TBC1D15: variants seen among roughly 807,000 people sequenced by gnomAD.
TBC1D15 encodes TBC1 domain family member 15.
A neutral mutation model predicts 95.4 loss-of-function variants in TBC1D15; 39 were observed. The observed-to-expected ratio is 0.41, with a 90% CI of 0.32 to 0.53. TBC1D15 has a LOEUF of 0.53. TBC1D15 is among the 20% of genes least tolerant of loss of function. The pLI is 0.29. For synonymous variants in TBC1D15, 258 were observed against 261.3 expected, an observed-to-expected ratio of 0.99 and a Z score of 0.12; for missense variants, 733 against 794.3, an observed-to-expected ratio of 0.92 and a Z score of 0.93.
At chr12:71,861,911 T>A (rs919969731) in intron 1 of TBC1D15, among the ~76,000 whole-genome samples, 2 of 123,186 alleles carry the variant, frequency 1.6e-5, no homozygotes, top group African/African-American at 8.1e-5. Context: ...TCAAGAAATT[T>A]AAAAAAATTA....
rs1869008810 is a variant in TBC1D15, at chr12:71,920,839, A to C, written c.1708A>C (p.Ile570Leu). Residue 570 changes from isoleucine to leucine, a missense_variant, in exon 15 of 17, where the codon ATA (isoleucine) becomes CTA (leucine). Transcript: ENST00000485960. ...IMEKHYGFNEILKHINELSMK... is the reference protein window; with the variant it reads ...IMEKHYGFNELLKHINELSMK... ...GGAAAAGCATTATGGCTTCAATGAA[A>C]TACTTAAGGTAGTTATTCCTTTAAT... The C allele has an allele frequency of 6.2e-7, 1 of 1,606,702 alleles. No individual in the cohort carries two copies. The highest frequency in any genetic ancestry group is 1.7e-5 in the Admixed American group (1 of 59,630).
chr12:71,849,654 T>C (rs1887254230), intron 1 of TBC1D15: 2 of 568,500 alleles, frequency 3.5e-6, no homozygotes, highest in South Asian at 3.4e-5. Context: ...TAGTCGGTAG[T>C]AGTTTTCCAT....
At chr12:71,894,909 G>A in intron 7 of TBC1D15, 26 bp downstream of exon 7, 1 of 1,581,558 alleles carries the variant, frequency 6.3e-7, no homozygotes, top group South Asian at 1.1e-5. Context: ...TATTAATATA[G>A]CTCTTATATT....
chr12:71,894,343 A>C, intron 6 of TBC1D15: 1 of 1,612,998 alleles, frequency 6.2e-7, no homozygotes, highest in African/African-American at 1.3e-5. Flanking sequence ...GCTAGACAGA[A>C]GAAAGCTGTT....
intron 8 of TBC1D15, 166 bp from the exon 9 acceptor site, chr12:71,896,511 T>G (rs1452742176): frequency 8.0e-6 from 5 of 624,328 alleles, no homozygotes; most frequent in Non-Finnish European, 1.1e-5. Context: ...TGCTTACATC[T>G]TTTGGATCTA....
chr12:71,870,991 A>G (rs974873036), intron 1 of TBC1D15, among the ~76,000 whole-genome samples: 2 of 152,176 alleles, frequency 1.3e-5, no homozygotes, highest in Admixed American at 6.5e-5. Flanking sequence ...AATAATATAC[A>G]CTATTGACCA....
In TBC1D15 at chr12:71,896,056, A is replaced by G. The variant is rs1898087655; in HGVS notation, c.965A>G (p.Lys322Arg). The change falls in exon 8 of 17, where the codon AAG (lysine) becomes AGG (arginine). Residue 322 changes from lysine (K) to arginine (R), a missense_variant. Physicochemically the swap from Lys to Arg is conservative, Grantham distance 26. Transcript: ENST00000485960. ...AGAATTTTAAATGTAGATAATATGA[A>G]GCAGATGATATTTAGAGGGGTAATT... ...EGRILNVDNM[K>R]QMIFRGGLSH... is the part of the protein sequence containing the mutation. The G allele has an allele frequency of 6.2e-7, 1 of 1,610,364 alleles. No homozygotes were observed. Among genetic ancestry groups the G allele is most frequent in the Non-Finnish European group, 8.5e-7 (1 of 1,177,296 alleles).
chr12:71,905,289 T>A (rs1305883135), intron 10 of TBC1D15, among the ~76,000 whole-genome samples: 1 of 152,216 alleles, frequency 6.6e-6, no homozygotes. Flanking sequence ...AATTAACTTA[T>A]GAACTTTATC....
At chr12:71,885,272 C>T (rs1211092661) in intron 5 of TBC1D15, among the ~76,000 whole-genome samples, 1 of 152,166 alleles carries the variant, frequency 6.6e-6, no homozygotes, top group Non-Finnish European at 1.5e-5. Context: ...ATTTTTTATA[C>T]ATTTAAATGA....
At chr12:71,860,959 A>G (rs995747865) in intron 1 of TBC1D15, among the ~76,000 whole-genome samples, 1 of 152,138 alleles carries the variant, frequency 6.6e-6, no homozygotes, top group African/African-American at 2.4e-5. Context: ...GTCTATTGAG[A>G]TGATCGTATG....
intron 4 of TBC1D15, among the ~76,000 whole-genome samples, chr12:71,882,402 A>G (rs776842255): frequency 7.2e-5 from 11 of 152,192 alleles, no homozygotes; most frequent in Admixed American, 1.3e-4. Context: ...TAAGGCATAT[A>G]GAGACTTACT....
At chr12:71,896,171 G>GT in intron 8 of TBC1D15, 96 bp downstream of exon 8, 8 of 1,100,842 alleles carry the variant, frequency 7.3e-6, no homozygotes, top group South Asian at 7.2e-5. Context: ...TTTTTTTGTT[G>GT]TTGGTTTTTT....
intron 14 of TBC1D15, among the ~76,000 whole-genome samples, chr12:71,920,004 C>T (rs2139103841): frequency 6.6e-6 from 1 of 152,246 alleles, no homozygotes; most frequent in East Asian, 1.9e-4. Context: ...ACTTGATTTA[C>T]TCCTTTTGAA....
chr12:71,862,815 A>G (rs1312583182), intron 1 of TBC1D15, among the ~76,000 whole-genome samples: 1 of 152,140 alleles, frequency 6.6e-6, no homozygotes, highest in African/African-American at 2.4e-5. Context: ...TGCTCTAGCA[A>G]TGAGTTTTAT....
chr12:71,922,870 T>TAGG lies in TBC1D15; in HGVS notation c.1804-111_1804-109dup. 3 of 1,008,720 alleles carry TAGG rather than the reference T, an allele frequency of 3.0e-6. No individual in the cohort carries two copies. The East Asian group carries it at 7.8e-5, about 26-fold the overall frequency. 62.5% of individuals were successfully genotyped at this position (1,008,720 alleles called of 1,614,324 possible). ...GAAGGGTACATGACATTTACACTGT[T>TAGG]AGGACAAATGCTCAGATTCTGGAAT... On this transcript the variant is annotated intron_variant, in intron 16 of 16. Coordinates refer to ENST00000485960, the MANE Select transcript of TBC1D15 (RefSeq NM_001146213.3).
At chr12:71,869,183 A>G (rs1198739755) in intron 1 of TBC1D15, among the ~76,000 whole-genome samples, 1 of 152,150 alleles carries the variant, frequency 6.6e-6, no homozygotes, top group Non-Finnish European at 1.5e-5. Context: ...ACGGAAGGAA[A>G]AATAATTGTG....
At chr12:71,869,148 A>G (rs1009071115) in intron 1 of TBC1D15, among the ~76,000 whole-genome samples, 5 of 152,174 alleles carry the variant, frequency 3.3e-5, no homozygotes, top group Admixed American at 1.3e-4. Context: ...GGAGGATAGC[A>G]TTATGCTATG....
At chr12:71,859,754 C>T (rs1252019691) in intron 1 of TBC1D15, among the ~76,000 whole-genome samples, 1 of 152,006 alleles carries the variant, frequency 6.6e-6, no homozygotes, top group African/African-American at 2.4e-5. Flanking sequence ...ATTACAGGCA[C>T]CTACCACCAT....
intron 5 of TBC1D15, among the ~76,000 whole-genome samples, chr12:71,892,157 C>T (rs1238308420): frequency 2.0e-5 from 3 of 151,694 alleles, no homozygotes; most frequent in Non-Finnish European, 4.4e-5. Flanking sequence ...TATTTTTTTT[C>T]CCTCCTATGT....
Sources: gnomAD v4.1 joint callset for allele counts (sites outside exome capture counted in the v4.1 genomes callset) on GRCh38, gnomAD v4.1.1 for gene constraint, MANE v1.5 for transcripts, NCBI Gene and HGNC (gene_info 2026-07-23, HGNC 2026-07-21) for gene names.